STK32B: variants seen among roughly 807,000 people sequenced by gnomAD.
The protein encoded by STK32B is serine/threonine kinase 32B, also known as serine/threonine-protein kinase 32B.
A neutral mutation model predicts 52.6 loss-of-function variants in STK32B; 43 were observed. The observed-to-expected ratio is 0.82, with a 90% CI of 0.64 to 1.05. STK32B has a LOEUF of 1.05. Among genes scored for constraint, STK32B ranks in the 50% least tolerant of loss-of-function variants. STK32B has a pLI of 0.00. For synonymous variants in STK32B, 238 were observed against 204.3 expected, an observed-to-expected ratio of 1.17 and a Z score of -1.41; for missense variants, 621 against 534.6, an observed-to-expected ratio of 1.16 and a Z score of -1.59.
chr4:5,164,426 T>A (rs186480698), intron 2 of STK32B, among the ~76,000 whole-genome samples: 193 of 152,326 alleles, frequency 1.3e-3, no homozygotes, highest in Non-Finnish European at 2.1e-3. Flanking sequence ...TCCAGGTTGA[T>A]CTCATCCTGA....
intron 5 of STK32B, among the ~76,000 whole-genome samples, chr4:5,407,878 G>A (rs1359497982): frequency 2.0e-5 from 3 of 152,102 alleles, no homozygotes; most frequent in Non-Finnish European, 4.4e-5. Context: ...CGTATCAGAG[G>A]CCTTTGAGAG....
intron 3 of STK32B, among the ~76,000 whole-genome samples, chr4:5,327,889 C>A (rs1181780695): frequency 6.6e-6 from 1 of 152,214 alleles, no homozygotes; most frequent in Non-Finnish European, 1.5e-5. Context: ...GCTATTTTAT[C>A]TACTTTGAAA....
intron 3 of STK32B, among the ~76,000 whole-genome samples, chr4:5,218,112 C>T (rs139862091): frequency 3.3e-4 from 51 of 152,258 alleles, no homozygotes; most frequent in African/African-American, 1.1e-3. Context: ...ACCTGCCATT[C>T]AAGATCCAGT....
Position 5,058,385 on chromosome 4 carries a change from G to T in STK32B, c.52+6470G>T, listed in dbSNP as rs910504518. On this transcript the variant is annotated intron_variant, in intron 1 of 11. Transcript: ENST00000282908. This position sits in a 1 kb window ranked among gnomAD's most constrained non-coding sequence, Gnocchi z 4.8. Reference sequence around the variant, plus strand: ...TCTTGGAGAAAGTATTGAAGACCTAGTGAGTGTCACTTTATATCACTCCAT... The same window carrying T: ...TCTTGGAGAAAGTATTGAAGACCTATTGAGTGTCACTTTATATCACTCCAT... Among the ~76,000 whole-genome samples the T allele has an allele frequency of 3.9e-5, 6 of 152,190 alleles. No individual in the cohort carries two copies. The highest frequency in any genetic ancestry group is 1.4e-4 in the African/African-American group (6 of 41,460).
intron 6 of STK32B, among the ~76,000 whole-genome samples, chr4:5,432,983 G>T (rs1347516490): frequency 6.6e-6 from 1 of 152,162 alleles, no homozygotes; most frequent in East Asian, 1.9e-4. Flanking sequence ...AAGCATGGGA[G>T]CTGAGGTTCA....
At chr4:5,052,040 C>T (rs1741809479) in intron 1 of STK32B, 125 bp downstream of exon 1, 1 of 1,394,422 alleles carries the variant, frequency 7.2e-7, no homozygotes. Context: ...CCACTTCGCC[C>T]AGCGAATGCA....
intron 3 of STK32B, among the ~76,000 whole-genome samples, chr4:5,236,443 C>T (rs934993022): frequency 7.2e-5 from 11 of 152,120 alleles, no homozygotes; most frequent in South Asian, 6.2e-4. Context: ...CATGCCCAAA[C>T]GGGAACAAGA....
At chr4:5,479,706 A>G (rs974406862) in intron 11 of STK32B, among the ~76,000 whole-genome samples, 1 of 152,158 alleles carries the variant, frequency 6.6e-6, no homozygotes, top group Non-Finnish European at 1.5e-5. Flanking sequence ...CTTGCAGGGT[A>G]TGCACGATGG....
Position 5,499,529 on chromosome 4 carries a change from AAC to A in STK32B, c.*450_*451del, listed in dbSNP as rs535708763. ...AGCTTGTTAGAGGGCACTTCCGAAA[AAC>A]ACAGCCCTGACAGCAAAATAAAGGT... On this transcript the variant is annotated 3_prime_UTR_variant, in exon 12 of 12. Transcript: ENST00000282908. 226 of 155,804 alleles carry A rather than the reference AAC, an allele frequency of 1.5e-3. No individual in the cohort carries two copies. The highest frequency in any genetic ancestry group is 4.9e-3 in the African/African-American group (205 of 41,766). 9.7% of individuals were successfully genotyped at this position (155,804 alleles called of 1,614,324 possible). A position where few individuals can be genotyped will look rare whatever the true frequency, so the allele number is the denominator to read the frequency against.
chr4:5,128,483 A>G (rs1715547671), intron 1 of STK32B, among the ~76,000 whole-genome samples: 1 of 152,222 alleles, frequency 6.6e-6, no homozygotes, highest in African/African-American at 2.4e-5. Flanking sequence ...AATTAGGCAT[A>G]TGATTTCCTG....
Position 5,168,431 on chromosome 4 carries a change from C to A in STK32B, c.241C>A (p.Pro81Thr), listed in dbSNP as rs1719060433. 1.2e-6 allele frequency: 2 copies of A among 1,613,508 alleles called. No homozygotes were observed. The highest frequency in any genetic ancestry group is 8.5e-7 in the Non-Finnish European group (1 of 1,179,780). ...ELQIMQGLEH[P>T]FLVNLWYSFQ... ...GCAGATCATGCAAGGGCTGGAGCAC[C>A]CCTTCCTGGTCAATCTGTGGTGAGT... Residue 81 changes from proline to threonine, a missense_variant, in exon 3 of 12, where the codon CCC (proline) becomes ACC (threonine). Physicochemically the swap from Pro to Thr is conservative, Grantham distance 38. Coordinates refer to ENST00000282908, the MANE Select transcript of STK32B (RefSeq NM_018401.3).
intron 1 of STK32B, among the ~76,000 whole-genome samples, chr4:5,062,040 G>C (rs1037195621): frequency 1.3e-5 from 2 of 152,144 alleles, no homozygotes; most frequent in African/African-American, 4.8e-5. Flanking sequence ...TAGCAGGAAG[G>C]TTGACCAAAA....
chr4:5,358,195 A>G (rs1734304328), intron 4 of STK32B, among the ~76,000 whole-genome samples: 1 of 152,194 alleles, frequency 6.6e-6, no homozygotes, highest in South Asian at 2.1e-4. Context: ...TTGGGTGGAG[A>G]GTGTTTATGT....
chr4:5,439,715 T>G (rs1270379912), intron 6 of STK32B, among the ~76,000 whole-genome samples: 2 of 152,234 alleles, frequency 1.3e-5, no homozygotes, highest in African/African-American at 2.4e-5. Flanking sequence ...CAAGTTTTCT[T>G]CTAGGGTTTA....
chr4:5,262,646 G>A (rs889543991), intron 3 of STK32B, among the ~76,000 whole-genome samples: 15 of 139,052 alleles, frequency 1.1e-4, no homozygotes, highest in African/African-American at 4.9e-4. Context: ...AAAAATGGCA[G>A]TGTGGACTCA....
chr4:5,264,274 G>A (rs1266059510), intron 3 of STK32B, among the ~76,000 whole-genome samples: 1 of 152,018 alleles, frequency 6.6e-6, no homozygotes, highest in African/African-American at 2.4e-5. Flanking sequence ...CTAGAGTTCT[G>A]GTTACTCCAT....
At chr4:5,446,820 G>C (rs765368925) in intron 7 of STK32B, 44 bp downstream of exon 7, 9 of 1,592,468 alleles carry the variant, frequency 5.7e-6, no homozygotes, top group Non-Finnish European at 7.7e-6. Context: ...GCTGTGCAGT[G>C]GGGGCTCACG....
intron 3 of STK32B, among the ~76,000 whole-genome samples, chr4:5,171,158 G>GT (rs1391102760): frequency 2.0e-5 from 3 of 151,552 alleles, no homozygotes; most frequent in African/African-American, 4.8e-5. Flanking sequence ...GGGGTTGTTT[G>GT]TTTTTTTCTT....
chr4:5,188,251 C>A (rs12499824), intron 3 of STK32B, among the ~76,000 whole-genome samples: 55,906 of 152,010 alleles, frequency 0.37, 11,756 homozygotes, highest in East Asian at 0.51. Flanking sequence ...GCTCGATGAC[C>A]GAGCAATTTT....
Sources: allele counts gnomAD v4.1 joint callset (sites outside exome capture counted in the v4.1 genomes callset), GRCh38; gene constraint gnomAD v4.1.1; non-coding constraint Gnocchi (gnomAD v3.1); transcripts MANE v1.5; gene names NCBI Gene and HGNC (gene_info 2026-07-23, HGNC 2026-07-21).